EDNRB: variants seen among roughly 807,000 people sequenced by gnomAD.
EDNRB encodes the protein endothelin receptor type B.
EDNRB carries 18 observed loss-of-function variants against 46.4 expected under a neutral mutation model. The observed-to-expected ratio is 0.39, with a 90% CI of 0.27 to 0.57. The LOEUF is 0.57. EDNRB is among the 20% of genes least tolerant of loss of function. The pLI is 0.61. For synonymous variants in EDNRB, 213 were observed against 204.9 expected (o/e 1.04, Z -0.34); for missense variants, 434 against 537.5 (o/e 0.81, Z 1.90).
chr13:77,951,032 T>C (rs907282822), intron 1 of EDNRB, among the ~76,000 whole-genome samples: 7 of 152,252 alleles, frequency 4.6e-5, no homozygotes, highest in Admixed American at 3.3e-4. Flanking sequence ...CTGTCGAAAA[T>C]TGAATTCTCT....
chr13:77,972,340 G>T (rs1434418191), intron 1 of EDNRB, among the ~76,000 whole-genome samples: 1 of 152,188 alleles, frequency 6.6e-6, no homozygotes, highest in African/African-American at 2.4e-5. Flanking sequence ...TTTTAACCAG[G>T]CATTTGCATC....
intron 1 of EDNRB, among the ~76,000 whole-genome samples, chr13:77,964,658 T>A (rs1881527663): frequency 6.6e-6 from 1 of 152,142 alleles, no homozygotes. Context: ...GGGATAGCAT[T>A]AGGAGATATA....
chr13:77,960,408 C>G (rs1449587491), intron 1 of EDNRB, among the ~76,000 whole-genome samples: 1 of 152,110 alleles, frequency 6.6e-6, no homozygotes, highest in Non-Finnish European at 1.5e-5. Flanking sequence ...AAAGAATTTT[C>G]AACCCCAGAA....
intron 1 of EDNRB, among the ~76,000 whole-genome samples, chr13:77,913,335 T>C (rs1879665934): frequency 6.6e-6 from 1 of 152,140 alleles, no homozygotes; most frequent in Non-Finnish European, 1.5e-5. Context: ...GCAGCCTCTT[T>C]GCCTCTAATA....
intron 1 of EDNRB, among the ~76,000 whole-genome samples, chr13:77,926,827 T>C (rs969265773): frequency 3.3e-5 from 5 of 152,204 alleles, no homozygotes; most frequent in Non-Finnish European, 4.4e-5. Flanking sequence ...AGAGGTTTAA[T>C]TGGACTTAAA....
chr13:77,898,415 T>C, intron 6 of EDNRB, 81 bp from the exon 7 acceptor site: 1 of 1,593,060 alleles, frequency 6.3e-7, no homozygotes, highest in South Asian at 1.1e-5. Context: ...GTTCTGACTT[T>C]CTTTGTATGA....
chr13:77,931,737 G>T (rs1594381604), intron 1 of EDNRB, among the ~76,000 whole-genome samples: 2 of 91,424 alleles, frequency 2.2e-5, no homozygotes, highest in Non-Finnish European at 3.9e-5. Flanking sequence ...TTGAAATACT[G>T]TAGTAGCAAA....
At chr13:77,919,316 C>T (rs1437468145), upstream of EDNRB, 3 of 1,439,344 alleles carry the variant, frequency 2.1e-6, no homozygotes, top group East Asian at 2.3e-5. Context: ...TTTTTAAAAT[C>T]CCAAACTAGT....
chr13:77,943,536 C>T (rs926018866), intron 1 of EDNRB, among the ~76,000 whole-genome samples: 10 of 152,092 alleles, frequency 6.6e-5, no homozygotes, highest in South Asian at 2.1e-4. Context: ...AACTAAACTT[C>T]GAAAGATATT....
chr13:77,908,331 T>C (rs949569807), intron 1 of EDNRB, among the ~76,000 whole-genome samples: 6 of 151,512 alleles, frequency 4.0e-5, no homozygotes, highest in Non-Finnish European at 8.8e-5. Flanking sequence ...GTCATCTTAA[T>C]GGCCTCTAGC....
chr13:77,908,043 A>AAAAAAAAAAAAAAAAGAG (rs4052535), intron 1 of EDNRB, among the ~76,000 whole-genome samples: 1 of 72,448 alleles, frequency 1.4e-5, no homozygotes, highest in African/African-American at 6.0e-5. Context: ...AAAAAAAAAA[A>AAAAAAAAAAAAAAAAGAG]AGAGAGAGAG....
intron 1 of EDNRB, among the ~76,000 whole-genome samples, chr13:77,916,719 A>AT (rs1315306765): frequency 1.3e-5 from 2 of 152,070 alleles, no homozygotes; most frequent in East Asian, 3.9e-4. Context: ...TTTACATTCC[A>AT]TTTTTTTCCC....
chr13:77,932,717 AC>A (rs1880441072), intron 1 of EDNRB, among the ~76,000 whole-genome samples: 1 of 152,216 alleles, frequency 6.6e-6, no homozygotes, highest in Admixed American at 6.5e-5. Flanking sequence ...TTTGAAAAGG[AC>A]TATAAATAAT....
At chr13:77,907,630 T>C (rs1361040389) in intron 1 of EDNRB, among the ~76,000 whole-genome samples, 1 of 151,984 alleles carries the variant, frequency 6.6e-6, no homozygotes. Flanking sequence ...CATTTGGATA[T>C]TTTAAAATAT....
At chr13:77,970,543 C>A (rs1008851966) in intron 1 of EDNRB, among the ~76,000 whole-genome samples, 1 of 151,830 alleles carries the variant, frequency 6.6e-6, no homozygotes, top group African/African-American at 2.4e-5. Flanking sequence ...AAGTAGCAGG[C>A]CTATAATATT....
chr13:77,920,681 T>A (rs1323937515), upstream of EDNRB, among the ~76,000 whole-genome samples: 1 of 152,194 alleles, frequency 6.6e-6, no homozygotes, highest in African/African-American at 2.4e-5. Context: ...GAATGAGAAA[T>A]ATGGTCTAGG....
In EDNRB at chr13:77,918,543, C is replaced by A. The variant is rs1879938838; in HGVS notation, c.31G>T (p.Ala11Ser). The A allele has an allele frequency of 1.3e-6, 2 of 1,595,760 alleles. No homozygotes were observed. The highest frequency in any genetic ancestry group is 1.7e-6 in the Non-Finnish European group (2 of 1,173,788). The change falls in exon 1 of 7, where the codon GCC (alanine) becomes TCC (serine). Residue 11 changes from alanine to serine, a missense_variant. Ala to Ser is a moderately conservative substitution (Grantham distance 99). Transcript: ENST00000646607. The surrounding 1 kb of genome is among the most constrained non-coding windows in gnomAD (Gnocchi z 4.5). ...CAGGCAAGAACCAGCGCAACCAGGG[C>A]GCGTCCGCACAGACTTGGAGGCGGC... MQPPPSLCGR[A>S]LVALVLACGL...
intron 3 of EDNRB, among the ~76,000 whole-genome samples, chr13:77,902,005 C>T (rs1203213038): frequency 6.6e-6 from 1 of 151,878 alleles, no homozygotes; most frequent in African/African-American, 2.4e-5. Flanking sequence ...TTAACTCATT[C>T]TGTTGGGAAG....
chr13:77,929,356 C>A (rs1006016970), intron 1 of EDNRB, among the ~76,000 whole-genome samples: 1 of 152,158 alleles, frequency 6.6e-6, no homozygotes, highest in Admixed American at 6.5e-5. Flanking sequence ...TGCACCTATC[C>A]ATCTATACAT....
Sources: gnomAD v4.1 joint callset for allele counts (sites outside exome capture counted in the v4.1 genomes callset) on GRCh38, gnomAD v4.1.1 for gene constraint, Gnocchi (gnomAD v3.1) non-coding constraint, MANE v1.5 for transcripts, NCBI Gene and HGNC (gene_info 2026-07-23, HGNC 2026-07-21) for gene names.